The following CUEDC1 variants were observed in gnomAD, a reference collection of about 807,000 sequenced individuals.
The protein encoded by CUEDC1 is CUE domain containing 1.
A neutral mutation model predicts 43.7 loss-of-function variants in CUEDC1; 30 were observed. The ratio of observed to expected loss-of-function variants is 0.69; its 90% CI spans 0.51 to 0.93. The LOEUF is 0.93. Among genes scored for constraint, CUEDC1 ranks in the 40% least tolerant of loss-of-function variants. The pLI is 0.00. For synonymous variants in CUEDC1, 223 were observed against 223.6 expected (o/e 1.00, Z 0.02); for missense variants, 486 against 549.0 (o/e 0.89, Z 1.15).
chr17:57,927,775 T>C (rs1344923373), intron 1 of CUEDC1, among the ~76,000 whole-genome samples: 2 of 152,262 alleles, frequency 1.3e-5, no homozygotes, highest in Admixed American at 6.5e-5. Flanking sequence ...GAGATTCCTC[T>C]GGATGGCAAT....
At chr17:57,902,343 T>C (rs1291199231) in intron 1 of CUEDC1, among the ~76,000 whole-genome samples, 1 of 152,152 alleles carries the variant, frequency 6.6e-6, no homozygotes, top group East Asian at 1.9e-4. Context: ...AGAGAAACGA[T>C]GATACATTCA....
Position 57,948,757 on chromosome 17 carries a change from A to G in CUEDC1, c.-316+6468T>C, listed in dbSNP as rs140751659. The stretch of plus-strand genomic sequence containing the variant: ...TCACTTTTCTTACATCTCACATCCT[A>G]TCTGGAATGTCTTCCTCATACCTTA... On this transcript the variant is annotated intron_variant, in intron 1 of 10. Coordinates refer to ENST00000577830, the MANE Select transcript of CUEDC1 (RefSeq NM_001271875.2). Among the ~76,000 whole-genome samples the G allele has an allele frequency of 4.7e-3, 714 of 152,166 alleles. 5 individuals are homozygous for G. The highest frequency in any genetic ancestry group is 0.016 in the African/African-American group (658 of 41,510).
chr17:57,896,471 C>T (rs2074409046), intron 1 of CUEDC1, among the ~76,000 whole-genome samples: 1 of 137,972 alleles, frequency 7.2e-6, no homozygotes, highest in Non-Finnish European at 1.5e-5. Flanking sequence ...AGTCACTCTA[C>T]TATAGTGCAT....
At chr17:57,886,817 GTTT>G (rs777598269) in intron 1 of CUEDC1, among the ~76,000 whole-genome samples, 3 of 118,492 alleles carry the variant, frequency 2.5e-5, no homozygotes, top group East Asian at 2.3e-4. Context: ...AATTCTGGTT[GTTT>G]TTTTTTTTTT....
At chr17:57,929,182 A>T (rs1821800188) in intron 1 of CUEDC1, among the ~76,000 whole-genome samples, 1 of 152,110 alleles carries the variant, frequency 6.6e-6, no homozygotes, top group African/African-American at 2.4e-5. Flanking sequence ...ATCAAGCCCA[A>T]ATTCTGTGTG....
intron 2 of CUEDC1, among the ~76,000 whole-genome samples, chr17:57,880,063 G>A (rs1351268478): frequency 6.6e-6 from 1 of 152,180 alleles, no homozygotes; most frequent in Non-Finnish European, 1.5e-5. Flanking sequence ...GGTCAGGGCG[G>A]TGTGCCCTCT....
At position 57,861,424 on chromosome 17, in the gene CUEDC1, G is replaced by T; in HGVS notation, c.*1865C>A. 6.6e-6 allele frequency: 1 copy of T among 152,342 alleles called. No homozygotes were observed. The highest frequency in any genetic ancestry group is 2.4e-5 in the African/African-American group (1 of 41,446). The allele number at this position is 152,342 out of a possible 1,614,324, so 9.4% of individuals were successfully genotyped here. On this transcript the variant is annotated 3_prime_UTR_variant, in exon 11 of 11. Transcript: ENST00000577830. ...GTCCGCAAGGTTGAGGTGCAGCGGT[G>T]CCGCAGGTGTCACCTCGAGAGTGCA...
chr17:57,885,301 G>T lies in CUEDC1; in HGVS notation c.264C>A (p.Asn88Lys). ...DATIDQLLQM[N>K]LEGGGSSGGV... ...CGCCGCTGCTGCCACCGCCCTCCAG[G>T]TTCATCTGCAGCAGCTGGTCGATGG... The change falls in exon 2 of 11, where the codon AAC becomes AAA. Residue 88 changes from asparagine (N) to lysine (K), a missense_variant. Asn to Lys is a moderately conservative substitution (Grantham distance 94). Coordinates refer to ENST00000577830, the MANE Select transcript of CUEDC1 (RefSeq NM_001271875.2). 1 of 1,610,420 alleles carries T rather than the reference G, an allele frequency of 6.2e-7. No homozygotes were observed. The highest frequency in any genetic ancestry group is 8.5e-7 in the Non-Finnish European group (1 of 1,178,900).
chr17:57,896,558 A>G (rs914162988), intron 1 of CUEDC1, among the ~76,000 whole-genome samples: 14 of 151,206 alleles, frequency 9.3e-5, no homozygotes, highest in Non-Finnish European at 1.8e-4. Flanking sequence ...CAAGAAACTG[A>G]TAATATATGT....
intron 1 of CUEDC1, among the ~76,000 whole-genome samples, chr17:57,935,743 G>C (rs1180555833): frequency 1.3e-5 from 2 of 152,068 alleles, no homozygotes; most frequent in African/African-American, 4.8e-5. Context: ...GGCCAGGCCC[G>C]CCTGGAGCAG....
intron 1 of CUEDC1, among the ~76,000 whole-genome samples, chr17:57,906,596 A>G (rs753053359): frequency 3.3e-5 from 5 of 152,232 alleles, no homozygotes; most frequent in Non-Finnish European, 7.3e-5. Context: ...ACGCTTAAAA[A>G]TGGTTAAAAT....
chr17:57,940,672 C>T (rs985807606), intron 1 of CUEDC1, among the ~76,000 whole-genome samples: 7 of 152,218 alleles, frequency 4.6e-5, no homozygotes, highest in Non-Finnish European at 8.8e-5. Flanking sequence ...AGGAATTTTT[C>T]AGCCTGGGCC....
intron 1 of CUEDC1, among the ~76,000 whole-genome samples, chr17:57,906,058 T>C (rs2074527643): frequency 6.6e-6 from 1 of 152,244 alleles, no homozygotes; most frequent in African/African-American, 2.4e-5. Context: ...TTCCTCAAAG[T>C]TAAACACAGA....
At chr17:57,871,507 A>G in intron 5 of CUEDC1, 138 bp from the exon 6 acceptor site, 1 of 644,622 alleles carries the variant, frequency 1.6e-6, no homozygotes, top group Non-Finnish European at 2.8e-6. Flanking sequence ...CCAAAATATG[A>G]GTGCACACAT....
chr17:57,911,954 C>A (rs1045216809), intron 1 of CUEDC1, among the ~76,000 whole-genome samples: 1 of 152,230 alleles, frequency 6.6e-6, no homozygotes, highest in Non-Finnish European at 1.5e-5. Flanking sequence ...TAATTATTCA[C>A]TCGCTCATTC....
intron 1 of CUEDC1, among the ~76,000 whole-genome samples, chr17:57,936,826 CT>C (rs34167520): frequency 1.5e-3 from 217 of 143,744 alleles, no homozygotes; most frequent in Middle Eastern, 3.5e-3. Flanking sequence ...TTCATTCACA[CT>C]TTTTTTTTTT....
chr17:57,882,396 C>G (rs994437305), intron 2 of CUEDC1, among the ~76,000 whole-genome samples: 1 of 152,094 alleles, frequency 6.6e-6, no homozygotes, highest in Non-Finnish European at 1.5e-5. Flanking sequence ...AGTGCACACA[C>G]AGCAAGGGCC....
At chr17:57,874,675 C>G (rs574494269) in intron 3 of CUEDC1, among the ~76,000 whole-genome samples, 15 of 152,318 alleles carry the variant, frequency 9.8e-5, no homozygotes, top group Admixed American at 7.2e-4. Flanking sequence ...ATCAGGAAAA[C>G]GGCACACTGA....
intron 1 of CUEDC1, among the ~76,000 whole-genome samples, chr17:57,947,048 G>C (rs1174753460): frequency 6.6e-6 from 1 of 150,696 alleles, no homozygotes; most frequent in African/African-American, 2.4e-5. Context: ...TCTCAGACCA[G>C]AGCAAAGTGA....
Sources: gnomAD v4.1 joint callset for allele counts (sites outside exome capture counted in the v4.1 genomes callset) on GRCh38, gnomAD v4.1.1 for gene constraint, MANE v1.5 for transcripts, NCBI Gene and HGNC (gene_info 2026-07-23, HGNC 2026-07-21) for gene names.